KIAA1217: variants seen among roughly 807,000 people sequenced by gnomAD.
KIAA1217 encodes the protein KIAA1217.
A neutral mutation model predicts 163.9 loss-of-function variants in KIAA1217; 88 were observed. The observed-to-expected ratio is 0.54, with a 90% CI of 0.45 to 0.64. KIAA1217 has a LOEUF of 0.64. KIAA1217 is among the 30% of genes least tolerant of loss of function. The pLI is 0.00. For missense variants in KIAA1217, 2,372 were observed against 2,475.0 expected (o/e 0.96, Z 0.88); for synonymous variants, 903 against 923.1 (o/e 0.98, Z 0.39).
chr10:24,127,240 C>T (rs559585033), intron 2 of KIAA1217, among the ~76,000 whole-genome samples: 2 of 152,088 alleles, frequency 1.3e-5, no homozygotes, highest in South Asian at 4.2e-4. Context: ...ACAGTATAAC[C>T]TTTGGGGATT....
At chr10:24,387,337 T>A (rs541887769) in intron 3 of KIAA1217, among the ~76,000 whole-genome samples, 2 of 152,178 alleles carry the variant, frequency 1.3e-5, no homozygotes, top group Non-Finnish European at 2.9e-5. Flanking sequence ...AGAAAAGGCC[T>A]TCGACAAGAT....
At chr10:23,991,406 C>T (rs202208132) in intron 1 of KIAA1217, among the ~76,000 whole-genome samples, 19 of 152,040 alleles carry the variant, frequency 1.2e-4, no homozygotes, top group East Asian at 3.9e-4. Flanking sequence ...AGTGGGAACA[C>T]GAAAGTACAA....
intron 1 of KIAA1217, among the ~76,000 whole-genome samples, chr10:23,729,376 T>C (rs1838347593): frequency 6.6e-6 from 1 of 152,192 alleles, no homozygotes; most frequent in Non-Finnish European, 1.5e-5. Context: ...AGTGCCAAAC[T>C]GTCTTCCAAA....
intron 1 of KIAA1217, among the ~76,000 whole-genome samples, chr10:23,997,733 G>A (rs1266584420): frequency 1.3e-5 from 2 of 152,152 alleles, no homozygotes; most frequent in Non-Finnish European, 2.9e-5. Context: ...TCTATCCATG[G>A]AGGGAATTAA....
intron 2 of KIAA1217, among the ~76,000 whole-genome samples, chr10:24,159,024 A>G (rs111602714): frequency 0.027 from 4,137 of 152,288 alleles, 168 homozygotes; most frequent in African/African-American, 0.093. Flanking sequence ...GCTTTCTGTA[A>G]CAGTGCATGC....
intron 2 of KIAA1217, among the ~76,000 whole-genome samples, chr10:24,068,185 A>G (rs141304754): frequency 0.024 from 3,708 of 152,226 alleles, 145 homozygotes; most frequent in African/African-American, 0.085. Flanking sequence ...TGTGAGATGA[A>G]CCCAGTACCT....
At chr10:24,105,629 T>G (rs1437381758) in intron 2 of KIAA1217, among the ~76,000 whole-genome samples, 1 of 152,222 alleles carries the variant, frequency 6.6e-6, no homozygotes, top group East Asian at 1.9e-4. Context: ...GCTGTCTCCC[T>G]TGGAGCTTAG....
At chr10:24,520,643 AAAAAAAAAAT>A (rs1326391557) in intron 11 of KIAA1217, among the ~76,000 whole-genome samples, 5 of 88,174 alleles carry the variant, frequency 5.7e-5, no homozygotes, top group East Asian at 4.0e-4. Context: ...AAAAAAAAAA[AAAAAAAAAAT>A]ATATATATAT....
chr10:24,320,279 A>G (rs955371297), intron 2 of KIAA1217, among the ~76,000 whole-genome samples: 1 of 152,230 alleles, frequency 6.6e-6, no homozygotes, highest in Non-Finnish European at 1.5e-5. Flanking sequence ...ATAAATTGGT[A>G]CCCATCCACC....
At chr10:23,870,786 C>T (rs1840422201) in intron 1 of KIAA1217, among the ~76,000 whole-genome samples, 1 of 152,120 alleles carries the variant, frequency 6.6e-6, no homozygotes, top group African/African-American at 2.4e-5. Flanking sequence ...AATCAAGGCT[C>T]TCCCTCAGTC....
rs1842493377 is a variant in KIAA1217, at chr10:23,912,869, G to T, written c.-320-94356G>T. Reference sequence around the variant, plus strand: ...GAGAGCAATCATTTAGACACTGGCTGCAGGAGGGGACCACAATGCTGACTG... The same window carrying T: ...GAGAGCAATCATTTAGACACTGGCTTCAGGAGGGGACCACAATGCTGACTG... On this transcript the variant is annotated intron_variant, in intron 1 of 18. Coordinates refer to the KIAA1217 transcript ENST00000376462. Among the ~76,000 whole-genome samples, 3 of 152,288 alleles carry T rather than the reference G, an allele frequency of 2.0e-5. No individual in the cohort carries two copies. In the South Asian group the frequency reaches 6.2e-4, roughly 32 times the overall value.
intron 1 of KIAA1217, among the ~76,000 whole-genome samples, chr10:23,765,469 G>A (rs114383360): frequency 0.011 from 1,681 of 152,044 alleles, 28 homozygotes; most frequent in African/African-American, 0.039. Context: ...CACCACGCCC[G>A]GTCTTTTGTT....
At chr10:24,004,856 T>C (rs1846921074) in intron 1 of KIAA1217, among the ~76,000 whole-genome samples, 2 of 152,166 alleles carry the variant, frequency 1.3e-5, no homozygotes, top group Non-Finnish European at 2.9e-5. Flanking sequence ...AGGGATAGAA[T>C]TGGGCCAATC....
At chr10:24,078,141 C>T (rs2061425968) in intron 2 of KIAA1217, among the ~76,000 whole-genome samples, 1 of 152,150 alleles carries the variant, frequency 6.6e-6, no homozygotes, top group Non-Finnish European at 1.5e-5. Context: ...TGTAGGTTGT[C>T]TGTAAAACTA....
intron 2 of KIAA1217, among the ~76,000 whole-genome samples, chr10:24,302,131 G>T (rs2041433605): frequency 6.6e-6 from 1 of 152,180 alleles, no homozygotes; most frequent in Admixed American, 6.5e-5. Flanking sequence ...GTGGTGGCAG[G>T]TTGGACAGGA....
chr10:24,486,450 G>A (rs1378318416), intron 6 of KIAA1217, among the ~76,000 whole-genome samples: 1 of 152,140 alleles, frequency 6.6e-6, no homozygotes, highest in African/African-American at 2.4e-5. Flanking sequence ...CTGGTGTGGA[G>A]AATAAATGAT....
intron 6 of KIAA1217, among the ~76,000 whole-genome samples, chr10:24,492,858 T>C (rs1295496582): frequency 6.6e-6 from 1 of 152,014 alleles, no homozygotes; most frequent in African/African-American, 2.4e-5. Flanking sequence ...ATTACTTTTT[T>C]TTTTTTTGAG....
chr10:23,901,114 C>T (rs1279487745), intron 1 of KIAA1217, among the ~76,000 whole-genome samples: 1 of 152,052 alleles, frequency 6.6e-6, no homozygotes, highest in Non-Finnish European at 1.5e-5. Flanking sequence ...TCATGTCAGA[C>T]ATAAAAACTT....
In KIAA1217 at chr10:24,231,215, G is replaced by C. The variant is rs188008600; in HGVS notation, c.354+11306G>C. On this transcript the variant is annotated intron_variant, in intron 2 of 20. Coordinates refer to ENST00000376454, the MANE Select transcript of KIAA1217 (RefSeq NM_019590.5). ...TAGTCCCAGCTACTTGGGAGGCTGAGCTGGGGGGATCATCCATGCCCAGAG... is the reference window on the plus strand; with the variant it reads ...TAGTCCCAGCTACTTGGGAGGCTGACCTGGGGGGATCATCCATGCCCAGAG... Among the ~76,000 whole-genome samples the C allele has an allele frequency of 3.8e-4, 58 of 152,308 alleles. No individual in the cohort carries two copies. In the East Asian group the frequency reaches 9.1e-3, roughly 24 times the overall value.
Sources: allele counts gnomAD v4.1 joint callset (sites outside exome capture counted in the v4.1 genomes callset), GRCh38; gene constraint gnomAD v4.1.1; transcripts MANE v1.5; gene names NCBI Gene and HGNC (gene_info 2026-07-23, HGNC 2026-07-21).